Variants in ARHGAP44 observed in about 807,000 individuals in gnomAD.
ARHGAP44 encodes the protein rho GTPase-activating protein 44.
A neutral mutation model predicts 106.8 loss-of-function variants in ARHGAP44; 43 were observed. That is an observed-to-expected ratio of 0.40 (90% confidence interval 0.32 to 0.52). ARHGAP44 has a LOEUF of 0.52. Among genes scored for constraint, ARHGAP44 ranks in the 20% least tolerant of loss-of-function variants. The pLI is 0.48. For missense variants in ARHGAP44, 866 were observed against 1,050.5 expected, an observed-to-expected ratio of 0.82 and a Z score of 2.43; for synonymous variants, 439 against 410.3, an observed-to-expected ratio of 1.07 and a Z score of -0.85.
At chr17:12,881,790 C>T (rs1234923106) in intron 1 of ARHGAP44, among the ~76,000 whole-genome samples, 1 of 152,110 alleles carries the variant, frequency 6.6e-6, no homozygotes, top group African/African-American at 2.4e-5. Flanking sequence ...AACTCCTGGG[C>T]TCAAGAGATC....
chr17:12,826,223 A>G (rs2034915492), intron 1 of ARHGAP44, among the ~76,000 whole-genome samples: 2 of 152,050 alleles, frequency 1.3e-5, no homozygotes, highest in Admixed American at 1.3e-4. Flanking sequence ...GATCCTCTCC[A>G]TCCTCCCACC....
At chr17:12,813,577 C>T (rs1465004560) in intron 1 of ARHGAP44, among the ~76,000 whole-genome samples, 1 of 152,132 alleles carries the variant, frequency 6.6e-6, no homozygotes, top group Non-Finnish European at 1.5e-5. Context: ...TTCACTGTGA[C>T]TTCTATTCAA....
chr17:12,931,753 C>A (rs898188907), intron 7 of ARHGAP44, among the ~76,000 whole-genome samples: 15 of 151,856 alleles, frequency 9.9e-5, no homozygotes, highest in Non-Finnish European at 4.4e-5. Flanking sequence ...CCTGCCTCAG[C>A]CTCCCAAAGT....
chr17:12,791,916 T>C (rs1352699025), intron 1 of ARHGAP44, among the ~76,000 whole-genome samples: 1 of 152,190 alleles, frequency 6.6e-6, no homozygotes, highest in Non-Finnish European at 1.5e-5. Context: ...AGAGCAAGCC[T>C]TTTAAAGCAA....
At chr17:12,901,847 T>A (rs2037383764) in intron 3 of ARHGAP44, among the ~76,000 whole-genome samples, 1 of 152,148 alleles carries the variant, frequency 6.6e-6, no homozygotes, top group Non-Finnish European at 1.5e-5. Context: ...CATTCTTTAT[T>A]CTTTCCTTTC....
At chr17:12,902,863 A>G (rs1453651709) in intron 3 of ARHGAP44, among the ~76,000 whole-genome samples, 1 of 152,184 alleles carries the variant, frequency 6.6e-6, no homozygotes, top group Non-Finnish European at 1.5e-5. Context: ...AAGCACGTAC[A>G]TGCCTTGTGC....
chr17:12,916,041 A>T, intron 5 of ARHGAP44, 30 bp downstream of exon 5: 1 of 1,579,426 alleles, frequency 6.3e-7, no homozygotes, highest in Non-Finnish European at 8.7e-7. Context: ...CCAGGCCTGA[A>T]AGAGCAAGGA....
At chr17:12,965,924 A>G (rs550985305) in intron 16 of ARHGAP44, among the ~76,000 whole-genome samples, 1 of 152,264 alleles carries the variant, frequency 6.6e-6, no homozygotes, top group East Asian at 1.9e-4. Flanking sequence ...AGGCTGAGGC[A>G]GGAGGACTGC....
rs1555546065 is a variant in ARHGAP44 at position 12,841,585 on chromosome 17, G to GTCTCTCTCTGTCTCTC, written c.53+51703_53+51704insGTCTCTCTCTCTCTCT. ...CAACAGAGTGAGACCCTGTCTCTCT[G>GTCTCTCTCTGTCTCTC]TCTCTCTCTCACACACACACACACA... On this transcript the variant is annotated intron_variant, in intron 1 of 20. Coordinates refer to ENST00000379672, the MANE Select transcript of ARHGAP44 (RefSeq NM_014859.6). 4.3e-3 allele frequency among the ~76,000 whole-genome samples: 527 copies of GTCTCTCTCTGTCTCTC among 123,218 alleles called. 8 individuals carry two copies. The highest frequency in any genetic ancestry group is 0.018 in the African/African-American group (503 of 27,928). 80.8% of individuals were successfully genotyped at this position (123,218 alleles called of 152,430 possible).
At chr17:12,921,342 T>A (rs969205983) in intron 6 of ARHGAP44, among the ~76,000 whole-genome samples, 2 of 151,650 alleles carry the variant, frequency 1.3e-5, no homozygotes, top group Non-Finnish European at 2.9e-5. Flanking sequence ...GCTGGGAAAT[T>A]TTTATTATTT....
Position 12,958,758 on chromosome 17 carries a change from C to G in ARHGAP44, c.1384C>G (p.His462Asp). Residue 462 changes from histidine (H) to aspartate (D), a missense_variant, in exon 16 of 21, where the codon CAC (histidine) becomes GAC (aspartate). By Grantham distance (81) the His-to-Asp change is moderately conservative (BLOSUM62 -1). Transcript: ENST00000379672. This position sits in a 1 kb window ranked among gnomAD's most constrained non-coding sequence, Gnocchi z 4.1. The stretch of plus-strand genomic sequence containing the variant: ...TACTGGCAATTATGGGAGTCCAGTA[C>G]ACGTGAACCATAATGCCAACTACAG... Reference protein sequence around the residue: ...NITGNYGSPVHVNHNANYSSM... With the variant: ...NITGNYGSPVDVNHNANYSSM... The G allele has an allele frequency of 6.2e-7, 1 of 1,613,926 alleles. No individual in the cohort carries two copies. The highest frequency in any genetic ancestry group is 8.5e-7 in the Non-Finnish European group (1 of 1,179,870).
In ARHGAP44 at chr17:12,811,252, G is replaced by A. The variant is rs536111412; in HGVS notation, c.53+21361G>A. Among the ~76,000 whole-genome samples the A allele has an allele frequency of 6.0e-5, 9 of 151,114 alleles. No individual in the cohort carries two copies. In the South Asian group the frequency reaches 1.9e-3, roughly 32 times the overall value. On this transcript the variant is annotated intron_variant, in intron 1 of 20. Coordinates refer to ENST00000379672, the MANE Select transcript of ARHGAP44 (RefSeq NM_014859.6). ...GGTGTGAGCCTGGGAGGCGGAGCTT[G>A]CAGTGAGCCGAGATCGCACCACTGC...
intron 13 of ARHGAP44, 57 bp downstream of exon 13, chr17:12,952,638 G>A: frequency 7.7e-7 from 1 of 1,291,288 alleles, no homozygotes; most frequent in East Asian, 2.6e-5. Flanking sequence ...AAGCCTCAGA[G>A]ATACAACTGC....
At position 12,915,974 on chromosome 17, in the gene ARHGAP44, A is replaced by G; in HGVS notation, c.350A>G (p.Glu117Gly). 6.2e-7 allele frequency: 1 copy of G among 1,613,954 alleles called. No homozygotes were observed. The highest frequency in any genetic ancestry group is 8.5e-7 in the Non-Finnish European group (1 of 1,179,874). The change falls in exon 5 of 21, where the codon GAG becomes GGG. Residue 117 changes from glutamate to glycine, a missense_variant. Glu to Gly is a moderately conservative substitution (Grantham distance 98). Coordinates refer to ENST00000379672, the MANE Select transcript of ARHGAP44 (RefSeq NM_014859.6). ...CTGATACATTTTGAGTTGCAAGTAG[A>G]GAGAGACGTGATTGAGCCCCTGTTT... ...QELIHFELQV[E>G]RDVIEPLFLL... is the part of the protein sequence containing the mutation.
In ARHGAP44 at chr17:12,990,009, C is replaced by T. The variant is rs1567729532; in HGVS notation, c.2318-23C>T. The T allele has an allele frequency of 1.9e-6, 3 of 1,593,270 alleles. No homozygotes were observed. The Middle Eastern group carries it at 5.0e-4, about 266-fold the overall frequency. On this transcript the variant is annotated intron_variant, in intron 20 of 20. Coordinates refer to ENST00000379672, the MANE Select transcript of ARHGAP44 (RefSeq NM_014859.6). ...TTGCCGGGAAGCCTCCTTTCAACCA[C>T]CTCTCTCTCTGCCGCCTTCCAGATC...
At chr17:12,798,236 A>G (rs1020663126) in intron 1 of ARHGAP44, among the ~76,000 whole-genome samples, 1 of 152,204 alleles carries the variant, frequency 6.6e-6, no homozygotes, top group Non-Finnish European at 1.5e-5. Context: ...GAACAATGTT[A>G]AAATATCATG....
chr17:12,851,194 C>T (rs1359481123), intron 1 of ARHGAP44, among the ~76,000 whole-genome samples: 1 of 152,222 alleles, frequency 6.6e-6, no homozygotes, highest in African/African-American at 2.4e-5. Context: ...TAAAGGCTGG[C>T]ACCTCCGCTG....
At chr17:12,861,723 C>T (rs965709484) in intron 1 of ARHGAP44, among the ~76,000 whole-genome samples, 3 of 139,918 alleles carry the variant, frequency 2.1e-5, no homozygotes, top group African/African-American at 7.7e-5. Flanking sequence ...CAACCTCCGC[C>T]TCCTGGGTTC....
At chr17:12,816,761 G>T (rs2034610269) in intron 1 of ARHGAP44, among the ~76,000 whole-genome samples, 1 of 151,992 alleles carries the variant, frequency 6.6e-6, no homozygotes, top group Admixed American at 6.6e-5. Context: ...AATACATGAA[G>T]AAAAAAGTGA....
Sources: gnomAD v4.1 joint callset for allele counts (sites outside exome capture counted in the v4.1 genomes callset) on GRCh38, gnomAD v4.1.1 for gene constraint, Gnocchi (gnomAD v3.1) non-coding constraint, MANE v1.5 for transcripts, NCBI Gene and HGNC (gene_info 2026-07-23, HGNC 2026-07-21) for gene names.